Variants in FTO observed in about 807,000 individuals in gnomAD.
The protein encoded by FTO is alpha-ketoglutarate-dependent dioxygenase FTO.
A neutral mutation model predicts 63.9 loss-of-function variants in FTO; 47 were observed. That is an observed-to-expected ratio of 0.74 (90% CI 0.58 to 0.94). The LOEUF (loss-of-function observed/expected upper bound fraction) is 0.94, where lower values mean the gene tolerates loss of function less well. Ranked by LOEUF, FTO falls within the 40% of genes least tolerant of loss-of-function variation. FTO has a pLI of 0.00. For synonymous variants in FTO, 207 were observed against 224.4 expected, an observed-to-expected ratio of 0.92 and a Z score of 0.69; for missense variants, 562 against 618.1, an observed-to-expected ratio of 0.91 and a Z score of 0.96.
Position 53,709,350 on chromosome 16 carries a change from T to C in FTO, c.45+5121T>C, listed in dbSNP as rs546434077. Among the ~76,000 whole-genome samples, 3 of 152,362 alleles carry C rather than the reference T, an allele frequency of 2.0e-5. No homozygotes were observed. In the East Asian group the frequency reaches 5.8e-4, roughly 29 times the overall value. On this transcript the variant is annotated intron_variant, in intron 1 of 8. Transcript: ENST00000471389. ...AAATGAACTTTTCTTCTAAGGCATA[T>C]AATAGAACAGTCCAGATAAGTATTT... is the stretch of plus-strand genomic sequence containing the variant.
intron 1 of FTO, among the ~76,000 whole-genome samples, chr16:53,784,611 A>C (rs1182961367): frequency 2.0e-5 from 3 of 152,126 alleles, no homozygotes; most frequent in Non-Finnish European, 2.9e-5. Flanking sequence ...AAAAGAGACT[A>C]AGTTTAAGTG....
chr16:53,712,278 C>G (rs2075793103), intron 1 of FTO, among the ~76,000 whole-genome samples: 2 of 152,008 alleles, frequency 1.3e-5, no homozygotes, highest in Admixed American at 6.6e-5. Flanking sequence ...AAAGTGGACA[C>G]TAAATATAGG....
intron 1 of FTO, among the ~76,000 whole-genome samples, chr16:53,780,185 ACT>A: frequency 6.6e-6 from 1 of 152,002 alleles, no homozygotes; most frequent in African/African-American, 2.4e-5. Context: ...CTCACCAGCC[ACT>A]CTGTCCTTGC....
At position 53,934,010 on chromosome 16, in the gene FTO, A is replaced by ATC; in HGVS notation, c.1265_1266insTC (p.Lys422AsnfsTer15). ...ACAAATGCTGTGCTTCATGAAGTTA[A>ATC]AAGAGAGGGGCTCCCCGTGGAACAA... On this transcript the variant is annotated frameshift_variant, in exon 8 of 9. Transcript: ENST00000471389. LOFTEE classifies it high-confidence loss of function. The ATC allele has an allele frequency of 6.2e-7, 1 of 1,614,022 alleles. No homozygotes were observed. Among genetic ancestry groups the ATC allele is most frequent in the South Asian group, 1.1e-5 (1 of 91,076 alleles).
At chr16:53,756,557 A>G (rs545303753) in intron 1 of FTO, among the ~76,000 whole-genome samples, 129 of 152,334 alleles carry the variant, frequency 8.5e-4, no homozygotes, top group Non-Finnish European at 1.5e-3. Context: ...ATGTACTACA[A>G]TAGCTATAGT....
intron 1 of FTO, among the ~76,000 whole-genome samples, chr16:53,748,924 C>T (rs889371499): frequency 6.6e-5 from 10 of 152,006 alleles, no homozygotes; most frequent in South Asian, 2.1e-4. Flanking sequence ...CCACCGTGCC[C>T]GGCCAACTTT....
At chr16:53,977,441 C>T (rs966252968) in intron 8 of FTO, among the ~76,000 whole-genome samples, 1 of 152,192 alleles carries the variant, frequency 6.6e-6, no homozygotes, top group Non-Finnish European at 1.5e-5. Context: ...CTGATGCTCT[C>T]TGACCCTGGT....
chr16:53,988,015 C>G (rs2083712705), intron 8 of FTO, among the ~76,000 whole-genome samples: 1 of 152,156 alleles, frequency 6.6e-6, no homozygotes, highest in Admixed American at 6.5e-5. Context: ...AATTAATTCT[C>G]CTGTTTTGGG....
intron 8 of FTO, among the ~76,000 whole-genome samples, chr16:53,955,019 A>G (rs1283458341): frequency 6.6e-6 from 1 of 152,134 alleles, no homozygotes; most frequent in East Asian, 1.9e-4. Context: ...ACCGTCTCTA[A>G]TTAGACCAGT....
rs372667713 is a variant in FTO, at chr16:54,120,281, G to A, written c.*8366G>A. On this transcript the variant is annotated 3_prime_UTR_variant, in exon 9 of 9. Coordinates refer to ENST00000471389, the MANE Select transcript of FTO (RefSeq NM_001080432.3). The stretch of plus-strand genomic sequence containing the variant: ...AGGGCCAGATGAGGAAGCTAGCCAA[G>A]GCCACAGGCCTTCCTTTGACTGCCA... The A allele has an allele frequency of 5.2e-4, 79 of 152,384 alleles. No homozygotes were observed. Among genetic ancestry groups the A allele is most frequent in the African/African-American group, 1.9e-3 (78 of 41,588 alleles). 9.4% of individuals were successfully genotyped at this position (152,384 alleles called of 1,614,324 possible).
chr16:53,719,632 G>GT (rs751170395), intron 1 of FTO, among the ~76,000 whole-genome samples: 5,602 of 100,006 alleles, frequency 0.056, 154 homozygotes, highest in Middle Eastern at 0.11. Flanking sequence ...CTGGTAGTCT[G>GT]TTTTTTTTTT....
At chr16:53,850,759 A>G (rs2151831885) in intron 4 of FTO, among the ~76,000 whole-genome samples, 1 of 152,196 alleles carries the variant, frequency 6.6e-6, no homozygotes, top group African/African-American at 2.4e-5. Context: ...TTTCCAGAAA[A>G]AAAAATTAAT....
chr16:53,879,351 A>G (rs2151889447), intron 5 of FTO, among the ~76,000 whole-genome samples: 1 of 152,304 alleles, frequency 6.6e-6, no homozygotes, highest in African/African-American at 2.4e-5. Flanking sequence ...CACAGAGCCC[A>G]GTGGAACAGG....
chr16:53,936,668 C>T (rs980493392), intron 8 of FTO, among the ~76,000 whole-genome samples: 6 of 152,132 alleles, frequency 3.9e-5, no homozygotes, highest in Non-Finnish European at 5.9e-5. Context: ...TAGCACTCAC[C>T]AAAGGCCAAG....
At chr16:54,033,322 C>T (rs901614232) in intron 8 of FTO, among the ~76,000 whole-genome samples, 2 of 152,062 alleles carry the variant, frequency 1.3e-5, no homozygotes, top group Non-Finnish European at 2.9e-5. Flanking sequence ...ACTTAGTGTC[C>T]AACAGAGAAA....
intron 8 of FTO, among the ~76,000 whole-genome samples, chr16:53,982,631 C>T (rs1404207918): frequency 1.3e-5 from 2 of 152,282 alleles, no homozygotes; most frequent in East Asian, 3.9e-4. Flanking sequence ...ATATTGCCCT[C>T]TTGGAAGCTG....
chr16:53,976,352 C>T (rs1232960163), intron 8 of FTO, among the ~76,000 whole-genome samples: 5 of 152,034 alleles, frequency 3.3e-5, no homozygotes, highest in East Asian at 1.9e-4. Context: ...TTCAAATGGA[C>T]GGGCAATTGG....
intron 8 of FTO, among the ~76,000 whole-genome samples, chr16:53,941,282 A>T (rs1200288782): frequency 6.6e-6 from 1 of 152,202 alleles, no homozygotes; most frequent in Non-Finnish European, 1.5e-5. Context: ...ACTGTGGAAT[A>T]ATTTACTTTA....
At chr16:53,839,740 AT>A (rs11395267) in intron 3 of FTO, among the ~76,000 whole-genome samples, 1 of 149,358 alleles carries the variant, frequency 6.7e-6, no homozygotes, top group Middle Eastern at 3.2e-3. Context: ...TTTGAAAATT[AT>A]TTTTTTCAAG....
Sources: gnomAD v4.1 joint callset for allele counts (sites outside exome capture counted in the v4.1 genomes callset) on GRCh38, gnomAD v4.1.1 for gene constraint, MANE v1.5 for transcripts, NCBI Gene and HGNC (gene_info 2026-07-23, HGNC 2026-07-21) for gene names.